WDR53: variants seen among roughly 807,000 people sequenced by gnomAD.
The protein encoded by WDR53 is WD repeat domain 53.
In WDR53, 19 loss-of-function variants were observed where a neutral mutation model predicts 21.3. The observed-to-expected ratio is 0.89, with a 90% confidence interval of 0.62 to 1.31. The LOEUF (loss-of-function observed/expected upper bound fraction) is 1.31, where lower values mean the gene tolerates loss of function less well. Among genes scored for constraint, WDR53 ranks in the 50% most tolerant of loss-of-function variants. The pLI is 0.00. For synonymous variants in WDR53, 157 were observed against 163.4 expected (o/e 0.96, Z 0.30); for missense variants, 374 against 423.2 (o/e 0.88, Z 1.02).
Position 196,561,294 on chromosome 3 carries a change from G to A in WDR53, c.182C>T (p.Pro61Leu), listed in dbSNP as rs764670272. Residue 61 changes from proline (P) to leucine (L), a missense_variant, in exon 3 of 4, where the codon CCC becomes CTC. Pro to Leu is a moderately conservative substitution (Grantham distance 98). Transcript: ENST00000332629. ...GGCATAGAGCTTGGTGGGACAGGAGGGAGAAAATAAGACACTGGTAACATC... is the reference window on the plus strand; with the variant it reads ...GGCATAGAGCTTGGTGGGACAGGAGAGAGAAAATAAGACACTGGTAACATC... ...ADDVTSVLFS[P>L]SCPTKLYASH... 7 of 1,614,040 alleles carry A rather than the reference G, an allele frequency of 4.3e-6. No individual in the cohort carries two copies. Among genetic ancestry groups the A allele is most frequent in the Non-Finnish European group, 5.9e-6 (7 of 1,180,036 alleles).
At chr3:196,567,562 G>A (rs1419986908) in intron 1 of WDR53, among the ~76,000 whole-genome samples, 1 of 152,144 alleles carries the variant, frequency 6.6e-6, no homozygotes, top group Non-Finnish European at 1.5e-5. Context: ...TAATTACTCA[G>A]CTCATGGAGT....
At chr3:196,565,041 G>A (rs904223898) in intron 2 of WDR53, among the ~76,000 whole-genome samples, 6 of 152,080 alleles carry the variant, frequency 3.9e-5, no homozygotes, top group African/African-American at 1.4e-4. Flanking sequence ...GGCAATAAAC[G>A]AATTTTGTCC....
At chr3:196,567,501 A>C (rs1161205599) in intron 1 of WDR53, among the ~76,000 whole-genome samples, 194 bp from the exon 2 acceptor site, 2 of 152,184 alleles carry the variant, frequency 1.3e-5, no homozygotes, top group African/African-American at 4.8e-5. Flanking sequence ...TACTACATAA[A>C]GGTTCCAAGA....
rs1473607869 is a variant in WDR53, at chr3:196,567,324, G to C, written c.-447-17C>G. 2.3e-6 allele frequency: 1 copy of C among 437,560 alleles called. No individual in the cohort carries two copies. The highest frequency in any genetic ancestry group is 4.6e-6 in the Non-Finnish European group (1 of 218,640). 27.1% of individuals were successfully genotyped at this position (437,560 alleles called of 1,614,324 possible). ...GCGCTGGCACTGGTAAGAATGAAAA[G>C]AATTAGGGTTACTGGACTTGGTGAA... On this transcript the variant is annotated splice_polypyrimidine_tract_variant and intron_variant, in intron 1 of 3. Coordinates refer to ENST00000332629, the MANE Select transcript of WDR53 (RefSeq NM_182627.3).
chr3:196,554,896 AAAG>A, intron 3 of WDR53, 89 bp from the exon 4 acceptor site: 1 of 1,115,758 alleles, frequency 9.0e-7, no homozygotes. Flanking sequence ...TAAAATCGTT[AAAG>A]TAGTCTGAGA....
chr3:196,567,012 G>A lies in WDR53; in HGVS notation c.-152C>T. 2.9e-6 allele frequency: 1 copy of A among 339,654 alleles called. No homozygotes were observed. The highest frequency in any genetic ancestry group is 2.3e-5 in the South Asian group (1 of 44,102). 21.0% of individuals were successfully genotyped at this position (339,654 alleles called of 1,614,324 possible). A position where few individuals can be genotyped will look rare whatever the true frequency, so the allele number is the denominator to read the frequency against. On this transcript the variant is annotated 5_prime_UTR_variant, in exon 2 of 4. Coordinates refer to ENST00000332629, the MANE Select transcript of WDR53 (RefSeq NM_182627.3). Reference sequence around the variant, plus strand: ...TCGGCTGCACTGAGACACGATAAAGGCCAGTCTTTAAAAACTGAGTGATCT... The same window carrying A: ...TCGGCTGCACTGAGACACGATAAAGACCAGTCTTTAAAAACTGAGTGATCT...
rs1220612165 is a variant in WDR53, at chr3:196,567,177, TGA to T, written c.-319_-318del. 5 of 457,232 alleles carry T rather than the reference TGA, an allele frequency of 1.1e-5. No individual in the cohort carries two copies. The highest frequency in any genetic ancestry group is 2.2e-5 in the Non-Finnish European group (5 of 227,076). 28.3% of individuals were successfully genotyped at this position (457,232 alleles called of 1,614,324 possible). A position where few individuals can be genotyped will look rare whatever the true frequency, so the allele number is the denominator to read the frequency against. ...TCCTTGAAGACTTCAAAGAAATTAG[TGA>T]GAGACAGTCACCATCACCAGAGTCA... On this transcript the variant is annotated 5_prime_UTR_variant, in exon 2 of 4. The change abolishes the stop of an existing upstream ORF in the 5' untranslated region. Coordinates refer to ENST00000332629, the MANE Select transcript of WDR53 (RefSeq NM_182627.3).
At chr3:196,559,240 G>T (rs1220458729) in intron 3 of WDR53, among the ~76,000 whole-genome samples, 1 of 152,156 alleles carries the variant, frequency 6.6e-6, no homozygotes, top group Non-Finnish European at 1.5e-5. Context: ...CAACCACAAG[G>T]GCAGATTATC....
intron 2 of WDR53, among the ~76,000 whole-genome samples, chr3:196,566,051 A>C (rs895848945): frequency 6.6e-6 from 1 of 152,182 alleles, no homozygotes; most frequent in African/African-American, 2.4e-5. Flanking sequence ...CTAATACCTA[A>C]AGAAATCACA....
intron 2 of WDR53, among the ~76,000 whole-genome samples, chr3:196,564,290 T>C (rs977113727): frequency 6.6e-6 from 1 of 152,190 alleles, no homozygotes; most frequent in Admixed American, 6.5e-5. Context: ...AATACTGACT[T>C]ACCTCATGAT....
At position 196,554,456 on chromosome 3, in the gene WDR53, G is replaced by GT. The variant is rs1474812838; in HGVS notation, c.831dup (p.Gln278ThrfsTer14). The GT allele has an allele frequency of 2.5e-6, 4 of 1,613,962 alleles. No homozygotes were observed. Among genetic ancestry groups the GT allele is most frequent in the Non-Finnish European group, 3.4e-6 (4 of 1,180,016 alleles). On this transcript the variant is annotated frameshift_variant, in exon 4 of 4. Transcript: ENST00000332629. LOFTEE classifies it low-confidence loss of function (END_TRUNC). Reference sequence around the variant, plus strand: ...TGGGTACGTTTTGTGGGACTCTTCTGTTTTTTCTCAACTTCACTGTTTGCA... The same window carrying GT: ...TGGGTACGTTTTGTGGGACTCTTCTGTTTTTTTCTCAACTTCACTGTTTGCA...
intron 2 of WDR53, among the ~76,000 whole-genome samples, chr3:196,565,140 C>T (rs1439629260): frequency 1.3e-5 from 2 of 152,124 alleles, no homozygotes; most frequent in Admixed American, 6.5e-5. Context: ...TCTCACAAGA[C>T]CCCAAGAACA....
At chr3:196,562,418 T>C (rs1209908010) in intron 2 of WDR53, among the ~76,000 whole-genome samples, 2 of 152,156 alleles carry the variant, frequency 1.3e-5, no homozygotes, top group Non-Finnish European at 2.9e-5. Flanking sequence ...CCCGGCACCA[T>C]GCCTGGCTAA....
At chr3:196,567,432 C>T (rs1259266223) in intron 1 of WDR53, 125 bp from the exon 2 acceptor site, 8 of 348,080 alleles carry the variant, frequency 2.3e-5, no homozygotes, top group Admixed American at 7.7e-5. Flanking sequence ...CGTTCCTTTG[C>T]TTTTACTAGA....
chr3:196,555,434 C>G (rs1391137082), intron 3 of WDR53, among the ~76,000 whole-genome samples: 1 of 152,172 alleles, frequency 6.6e-6, no homozygotes, highest in East Asian at 1.9e-4. Context: ...AGCATAATGG[C>G]TGAGAAAGAG....
chr3:196,554,246 T>C lies in WDR53; in HGVS notation c.1042A>G (p.Ser348Gly), dbSNP rs757633506. 3.1e-6 allele frequency: 5 copies of C among 1,613,510 alleles called. No homozygotes were observed. The African/African-American group carries it at 5.3e-5, about 17-fold the overall frequency. ...HQNILVADQT[S>G]CISVYPLNEF The stretch of plus-strand genomic sequence containing the variant: ...TTTAAGGGGTATACAGATATACAAC[T>C]AGTTTGATCAGCTACTAATATATTT... The change falls in exon 4 of 4, where the codon AGT (serine) becomes GGT (glycine). Residue 348 changes from serine (S) to glycine (G), a missense_variant. Coordinates refer to ENST00000332629, the MANE Select transcript of WDR53 (RefSeq NM_182627.3).
chr3:196,559,574 C>T (rs532675571), intron 3 of WDR53, among the ~76,000 whole-genome samples: 2 of 152,154 alleles, frequency 1.3e-5, no homozygotes, highest in East Asian at 3.9e-4. Flanking sequence ...GACCACTAGC[C>T]AAGAGGGTGG....
rs932958516 is a variant in WDR53, at chr3:196,554,815, TAAG to T, written c.481-11_481-9del. The T allele has an allele frequency of 8.7e-6, 14 of 1,600,292 alleles. No individual in the cohort carries two copies. Among genetic ancestry groups the T allele is most frequent in the Non-Finnish European group, 1.1e-5 (13 of 1,171,820 alleles). ...AAGACTCCACAGCATCACCTTTACA[TAAG>T]AAGAAATTACACAGTCATACAAAAT... On this transcript the variant is annotated splice_polypyrimidine_tract_variant and intron_variant, in intron 3 of 3. Transcript: ENST00000332629.
Position 196,561,430 on chromosome 3 carries a change from G to C in WDR53, c.46C>G (p.Leu16Val), listed in dbSNP as rs1734859216. Residue 16 changes from leucine (L) to valine (V), a missense_variant, in exon 3 of 4, where the codon CTG becomes GTG. Physicochemically the swap from Leu to Val is conservative, Grantham distance 32 (BLOSUM62 1). Coordinates refer to ENST00000332629, the MANE Select transcript of WDR53 (RefSeq NM_182627.3). ...TGGHSSPVLC[L>V]NASKEGLLAS... Reference sequence around the variant, plus strand: ...AGCAGCCCTTCTTTACTTGCATTCAGGCAGAGGACAGGAGAAGAATGCCCA... The same window carrying C: ...AGCAGCCCTTCTTTACTTGCATTCACGCAGAGGACAGGAGAAGAATGCCCA... 1 of 1,614,048 alleles carries C rather than the reference G, an allele frequency of 6.2e-7. No individual in the cohort carries two copies. Among genetic ancestry groups the C allele is most frequent in the Non-Finnish European group, 8.5e-7 (1 of 1,180,028 alleles).
Sources: allele counts gnomAD v4.1 joint callset (sites outside exome capture counted in the v4.1 genomes callset), GRCh38; gene constraint gnomAD v4.1.1; transcripts MANE v1.5; gene names NCBI Gene and HGNC (gene_info 2026-07-23, HGNC 2026-07-21).